SLC26A9: variants seen among roughly 807,000 people sequenced by gnomAD.
The protein encoded by SLC26A9 is solute carrier family 26 member 9.
SLC26A9 carries 46 observed loss-of-function variants against 87.1 expected under a neutral mutation model. That is an observed-to-expected ratio of 0.53 (90% confidence interval 0.42 to 0.67). The LOEUF (loss-of-function observed/expected upper bound fraction) is 0.67. Among genes scored for constraint, SLC26A9 ranks in the 30% least tolerant of loss-of-function variants. The pLI is 0.00. For synonymous variants in SLC26A9, 437 were observed against 409.1 expected (o/e 1.07, Z -0.82); for missense variants, 927 against 1,018.3 (o/e 0.91, Z 1.22).
At chr1:205,928,274 AG>A in intron 8 of SLC26A9, 1 of 588,938 alleles carries the variant, frequency 1.7e-6, no homozygotes, top group Non-Finnish European at 3.0e-6. Flanking sequence ...AACTTGCCCA[AG>A]GTCCCCGGGC....
At position 205,927,897 on chromosome 1, in the gene SLC26A9, G is replaced by A. The variant is rs1231044502; in HGVS notation, c.1101+5C>T. On this transcript the variant is annotated splice_donor_5th_base_variant and intron_variant, in intron 9 of 20. Coordinates refer to ENST00000367135, the MANE Select transcript of SLC26A9 (RefSeq NM_052934.4). ...CCCAGTCCTGCCGGGGGTGGCCAGA[G>A]CTACCTGGTTCGAATCCACGTCGTA... 2 of 1,613,682 alleles carry A rather than the reference G, an allele frequency of 1.2e-6. No homozygotes were observed. Among genetic ancestry groups the A allele is most frequent in the Non-Finnish European group, 1.7e-6 (2 of 1,179,740 alleles).
rs1040167352 is a variant in SLC26A9 at position 205,915,382 on chromosome 1, T to C, written c.2351A>G (p.His784Arg). ...LEQEMFGSMF[H>R]AETLTAL The stretch of plus-strand genomic sequence containing the variant: ...TCACAGGGCGGTCAGGGTCTCTGCG[T>C]GAAACATGCTCCCGAACATCTCCTG... Residue 784 changes from histidine to arginine, a missense_variant, in exon 21 of 21, where the codon CAC becomes CGC. Coordinates refer to ENST00000367135, the MANE Select transcript of SLC26A9 (RefSeq NM_052934.4). The C allele has an allele frequency of 3.7e-6, 6 of 1,613,904 alleles. No individual in the cohort carries two copies. The highest frequency in any genetic ancestry group is 5.1e-6 in the Non-Finnish European group (6 of 1,180,002).
chr1:205,931,468 T>TTTTTTTTTTTTTG, intron 5 of SLC26A9, among the ~76,000 whole-genome samples: 1 of 44,964 alleles, frequency 2.2e-5, no homozygotes. Flanking sequence ...TAACTTGGTT[T>TTTTTTTTTTTTTG]TTTTTTTTTT....
chr1:205,943,092 T>A (rs531936091), intron 1 of SLC26A9, among the ~76,000 whole-genome samples: 11 of 152,236 alleles, frequency 7.2e-5, no homozygotes, highest in Admixed American at 7.2e-4. Context: ...TGTTTCGGGG[T>A]CTGGCGACCA....
chr1:205,931,048 G>A (rs1213125722), intron 5 of SLC26A9, among the ~76,000 whole-genome samples: 4 of 152,184 alleles, frequency 2.6e-5, no homozygotes, highest in African/African-American at 4.8e-5. Flanking sequence ...GCACAAAACC[G>A]AATGAATGAG....
chr1:205,923,038 G>A (rs1658906010), intron 16 of SLC26A9, 44 bp downstream of exon 16: 1 of 1,569,888 alleles, frequency 6.4e-7, no homozygotes, highest in African/African-American at 1.4e-5. Context: ...GTATCAGAAT[G>A]GGCAGGAGAG....
chr1:205,922,938 G>A (rs540989990), intron 16 of SLC26A9, 144 bp downstream of exon 16: 22 of 708,354 alleles, frequency 3.1e-5, no homozygotes, highest in African/African-American at 5.4e-5. Flanking sequence ...AATGCCCAGC[G>A]GCCACCAGGC....
Position 205,927,615 on chromosome 1 carries a change from G to C in SLC26A9, c.1102-10C>G, listed in dbSNP as rs539352855. ...CGAGAGCGATCATCTCCTGCAGGGA[G>C]GGGACAGGATTAGAAGCCAGTGTGG... On this transcript the variant is annotated splice_polypyrimidine_tract_variant and intron_variant, in intron 9 of 20. Coordinates refer to ENST00000367135, the MANE Select transcript of SLC26A9 (RefSeq NM_052934.4). 6 of 1,611,138 alleles carry C rather than the reference G, an allele frequency of 3.7e-6. No homozygotes were observed. The highest frequency in any genetic ancestry group is 2.7e-5 in the African/African-American group (2 of 74,888).
At chr1:205,932,428 G>GTTA (rs1416485804) in intron 4 of SLC26A9, among the ~76,000 whole-genome samples, 1 of 152,216 alleles carries the variant, frequency 6.6e-6, no homozygotes, top group Non-Finnish European at 1.5e-5. Flanking sequence ...GTTTAAGCAT[G>GTTA]TTATAGCATA....
At chr1:205,932,869 G>A (rs1475213522) in intron 3 of SLC26A9, 57 bp from the exon 4 acceptor site, 9 of 1,601,210 alleles carry the variant, frequency 5.6e-6, no homozygotes, top group African/African-American at 1.3e-5. Context: ...GGGGATCACA[G>A]AGGGATGGAG....
intron 1 of SLC26A9, among the ~76,000 whole-genome samples, chr1:205,941,207 C>T (rs1047074880): frequency 2.6e-5 from 4 of 152,068 alleles, no homozygotes; most frequent in African/African-American, 9.7e-5. Context: ...CTCCCTCTGT[C>T]ACCCAGGCTG....
At chr1:205,931,464 G>GTTTTTTTTTTTTT (rs1558126780) in intron 5 of SLC26A9, among the ~76,000 whole-genome samples, 1 of 36,720 alleles carries the variant, frequency 2.7e-5, no homozygotes, top group Non-Finnish European at 4.7e-5. Context: ...GCCCTAACTT[G>GTTTTTTTTTTTTT]GTTTTTTTTT....
At chr1:205,940,491 G>C (rs1457125260) in intron 1 of SLC26A9, among the ~76,000 whole-genome samples, 1 of 152,184 alleles carries the variant, frequency 6.6e-6, no homozygotes, top group Admixed American at 6.5e-5. Flanking sequence ...CTGGCCATGG[G>C]AAGCATGCAA....
At chr1:205,931,465 G>GTTTTTTTTTTTTTTTTTTTTTTTTTTT (rs34820138) in intron 5 of SLC26A9, among the ~76,000 whole-genome samples, 1 of 96,012 alleles carries the variant, frequency 1.0e-5, no homozygotes, top group Non-Finnish European at 2.0e-5. Context: ...CCCTAACTTG[G>GTTTTTTTTTTTTTTTTTTTTTTTTTTT]TTTTTTTTTT....
chr1:205,921,501 G>A lies in SLC26A9; in HGVS notation c.2055+65C>T, dbSNP rs569829852. 1.4e-4 allele frequency: 215 copies of A among 1,532,846 alleles called. 3 individuals carry two copies. In the South Asian group the frequency reaches 2.4e-3, roughly 17 times the overall value. 95.0% of individuals were successfully genotyped at this position (1,532,846 alleles called of 1,614,324 possible). A position where few individuals can be genotyped will look rare whatever the true frequency, so the allele number is the denominator to read the frequency against. ...TCCTGAAATGAGGGCTCCCAGGAAA[G>A]GGAATGTGGAGAGCAGAGCGGAGGG... is the stretch of plus-strand genomic sequence containing the variant. On this transcript the variant is annotated intron_variant, in intron 17 of 20. Coordinates refer to ENST00000367135, the MANE Select transcript of SLC26A9 (RefSeq NM_052934.4).
intron 20 of SLC26A9, among the ~76,000 whole-genome samples, chr1:205,915,782 CAGGCTTTT>C (rs1215792877): frequency 6.6e-6 from 1 of 152,122 alleles, no homozygotes; most frequent in Non-Finnish European, 1.5e-5. Context: ...TGGTCCTATC[CAGGCTTTT>C]TGGAATGTGC....
chr1:205,930,164 T>A (rs1456186727), intron 5 of SLC26A9, 108 bp from the exon 6 acceptor site: 1 of 1,234,692 alleles, frequency 8.1e-7, no homozygotes, highest in African/African-American at 1.5e-5. Context: ...AGTCCTAGCG[T>A]AGCAGTAGCT....
rs1458196211 is a variant in SLC26A9, at chr1:205,927,656, G to A, written c.1102-51C>T. ...GCCAGTGTGGGGCTGGGGGGCACGGGGACCAAGTGCAGTCAGGCATGCAAG... is the reference window on the plus strand; with the variant it reads ...GCCAGTGTGGGGCTGGGGGGCACGGAGACCAAGTGCAGTCAGGCATGCAAG... On this transcript the variant is annotated intron_variant, in intron 9 of 20. Transcript: ENST00000367135. The A allele has an allele frequency of 1.9e-6, 3 of 1,548,880 alleles. No individual in the cohort carries two copies. The African/African-American group carries it at 4.1e-5, about 21-fold the overall frequency.
At chr1:205,924,355 G>T in intron 13 of SLC26A9, 28 bp downstream of exon 13, 1 of 1,606,926 alleles carries the variant, frequency 6.2e-7, no homozygotes, top group Non-Finnish European at 8.5e-7. Flanking sequence ...CCGACTGTGG[G>T]CCTAGGAGGG....
Sources: allele counts gnomAD v4.1 joint callset (sites outside exome capture counted in the v4.1 genomes callset), GRCh38; gene constraint gnomAD v4.1.1; transcripts MANE v1.5; gene names NCBI Gene and HGNC (gene_info 2026-07-23, HGNC 2026-07-21).